Variants in LINGO2 observed in about 807,000 individuals in gnomAD.
LINGO2 encodes leucine rich repeat and Ig domain containing 2.
In LINGO2, 14 loss-of-function variants were observed where a neutral mutation model predicts 30.6. The ratio of observed to expected loss-of-function variants is 0.46; its 90% CI spans 0.30 to 0.72. The LOEUF (loss-of-function observed/expected upper bound fraction) is 0.72. Among genes scored for constraint, LINGO2 ranks in the 30% least tolerant of loss-of-function variants. The pLI, the probability that LINGO2 is intolerant of heterozygous loss-of-function variation, is 0.07. For missense variants in LINGO2, 729 were observed against 751.7 expected (o/e 0.97, Z 0.35); for synonymous variants, 317 against 288.5 (o/e 1.10, Z -1.00).
chr9:27,955,013 A>G (rs1366555855), intron 5 of LINGO2, among the ~76,000 whole-genome samples: 3 of 152,162 alleles, frequency 2.0e-5, no homozygotes. Flanking sequence ...GACGTTGAGC[A>G]TGCATTTTGT....
chr9:28,893,959 T>A, the LINGO2 span, among the ~76,000 whole-genome samples: 2 of 151,398 alleles, frequency 1.3e-5, no homozygotes, highest in African/African-American at 4.9e-5. Flanking sequence ...TGTCCATGTG[T>A]TCTCATTGTT....
At chr9:28,986,834 AAGT>A in the LINGO2 span, among the ~76,000 whole-genome samples, 1 of 152,052 alleles carries the variant, frequency 6.6e-6, no homozygotes, top group African/African-American at 2.4e-5. Flanking sequence ...AATATACTGA[AAGT>A]AAAAAACAGA....
At chr9:28,932,537 G>T in the LINGO2 span, among the ~76,000 whole-genome samples, 1 of 152,272 alleles carries the variant, frequency 6.6e-6, no homozygotes, top group Non-Finnish European at 1.5e-5. Context: ...TATACTCAGA[G>T]AAATCCAATG....
At chr9:28,064,215 GT>G (rs1825241264) in intron 4 of LINGO2, among the ~76,000 whole-genome samples, 1 of 152,114 alleles carries the variant, frequency 6.6e-6, no homozygotes, top group Admixed American at 6.6e-5. Context: ...GTTTAGGACA[GT>G]GTATTTCAGG....
At chr9:28,588,598 A>AAAACAAACAAAC (rs5897309) in intron 1 of LINGO2, among the ~76,000 whole-genome samples, 6,274 of 150,628 alleles carry the variant, frequency 0.042, 240 homozygotes, top group African/African-American at 0.095. Flanking sequence ...AGTTCAGGTT[A>AAAACAAACAAAC]AAACAAACAA....
At chr9:28,415,779 G>A (rs1219827247) in intron 2 of LINGO2, among the ~76,000 whole-genome samples, 4 of 152,132 alleles carry the variant, frequency 2.6e-5, no homozygotes, top group Non-Finnish European at 5.9e-5. Context: ...TATGTTCCAT[G>A]AGAGCTGTAA....
At chr9:28,181,126 G>A (rs1189267719) in intron 4 of LINGO2, among the ~76,000 whole-genome samples, 1 of 152,110 alleles carries the variant, frequency 6.6e-6, no homozygotes, top group African/African-American at 2.4e-5. Context: ...GGGCTGAAGG[G>A]AGACAGCAAG....
chr9:28,287,055 G>T lies in LINGO2; in HGVS notation c.-87+8153C>A, dbSNP rs16912664. 2.9e-3 allele frequency among the ~76,000 whole-genome samples: 438 copies of T among 152,244 alleles called. 3 individuals carry two copies. The highest frequency in any genetic ancestry group is 0.01 in the African/African-American group (420 of 41,558). ...ACCTGAGTATGTATGGGGCTCTGGG[G>T]TTAAGTCTTAAGGAAGAAAGACAAA... is the stretch of plus-strand genomic sequence containing the variant. On this transcript the variant is annotated intron_variant, in intron 4 of 5. Coordinates refer to ENST00000379992, the Ensembl canonical transcript of LINGO2.
chr9:28,826,195 C>T, the LINGO2 span, among the ~76,000 whole-genome samples: 1 of 152,156 alleles, frequency 6.6e-6, no homozygotes, highest in South Asian at 2.1e-4. Context: ...TATATAATCT[C>T]TGCCCATTGT....
At chr9:29,126,905 G>T in the LINGO2 span, among the ~76,000 whole-genome samples, 1 of 152,028 alleles carries the variant, frequency 6.6e-6, no homozygotes, top group Non-Finnish European at 1.5e-5. Context: ...TACTCCCTTT[G>T]TACCTGCCCC....
the LINGO2 span, among the ~76,000 whole-genome samples, chr9:29,016,263 A>C: frequency 6.6e-6 from 1 of 152,200 alleles, no homozygotes; most frequent in Non-Finnish European, 1.5e-5. Context: ...AAACTCTTGA[A>C]TTTCCAAGGT....
chr9:28,431,641 A>G (rs1823680454), intron 2 of LINGO2, among the ~76,000 whole-genome samples: 1 of 152,170 alleles, frequency 6.6e-6, no homozygotes, highest in South Asian at 2.1e-4. Context: ...AGAAACCAAA[A>G]GATCAGTTAC....
chr9:29,190,469 T>C, the LINGO2 span, among the ~76,000 whole-genome samples: 2 of 152,110 alleles, frequency 1.3e-5, no homozygotes, highest in African/African-American at 4.8e-5. Flanking sequence ...GTTTCAAAAA[T>C]AGTGTAAGGA....
chr9:29,092,125 T>G, the LINGO2 span, among the ~76,000 whole-genome samples: 1 of 152,024 alleles, frequency 6.6e-6, no homozygotes, highest in South Asian at 2.1e-4. Context: ...TTAGTTGTAT[T>G]ACTTAATATA....
the LINGO2 span, among the ~76,000 whole-genome samples, chr9:29,189,951 A>C: frequency 2.0e-5 from 3 of 149,068 alleles, no homozygotes; most frequent in South Asian, 6.6e-4. Flanking sequence ...CAGTGAGCCG[A>C]GATGGCAGCA....
intron 4 of LINGO2, among the ~76,000 whole-genome samples, chr9:28,292,840 G>A (rs1020852103): frequency 9.3e-5 from 14 of 151,178 alleles, no homozygotes; most frequent in Admixed American, 4.0e-4. Context: ...ACACGATCTC[G>A]GTTCACTGCA....
At chr9:28,736,320 A>C in the LINGO2 span, among the ~76,000 whole-genome samples, 1 of 152,204 alleles carries the variant, frequency 6.6e-6, no homozygotes, top group African/African-American at 2.4e-5. Context: ...CAGCCAGCAT[A>C]GGATGAAGAC....
intron 1 of LINGO2, among the ~76,000 whole-genome samples, chr9:28,645,823 T>C (rs911240365): frequency 2.0e-5 from 3 of 152,036 alleles, no homozygotes; most frequent in Admixed American, 1.3e-4. Context: ...AAGGCAGCCT[T>C]CAGCTGGCTT....
At chr9:28,675,911 A>ATATATATGTATATG in the LINGO2 span, among the ~76,000 whole-genome samples, 1 of 133,556 alleles carries the variant, frequency 7.5e-6, no homozygotes, top group East Asian at 2.4e-4. Context: ...GTATGTATAT[A>ATATATATGTATATG]TATATATATA....
Sources: allele counts gnomAD v4.1 joint callset (sites outside exome capture counted in the v4.1 genomes callset), GRCh38; gene constraint gnomAD v4.1.1; transcripts MANE v1.5; gene names NCBI Gene and HGNC (gene_info 2026-07-23, HGNC 2026-07-21).